The following PATE1 variants were observed in gnomAD, a reference collection of about 807,000 sequenced individuals.
PATE1 encodes the protein prostate and testis expressed protein 1.
Under a neutral mutation model 13.1 loss-of-function variants are expected in PATE1, and 21 were observed. The observed-to-expected ratio is 1.61, with a 90% CI of 1.14 to 2.31. The LOEUF (loss-of-function observed/expected upper bound fraction) is 2.31. Among genes scored for constraint, PATE1 ranks in the 30% most tolerant of loss-of-function variants. PATE1 has a pLI of 0.00. For missense variants in PATE1, 166 were observed against 147.2 expected (o/e 1.13, Z -0.66); for synonymous variants, 52 against 47.1 (o/e 1.10, Z -0.43).
chr11:125,747,941 T>A (rs1291673270), intron 4 of PATE1, 119 bp downstream of exon 4: 1 of 1,433,106 alleles, frequency 7.0e-7, no homozygotes, highest in Non-Finnish European at 9.5e-7. Flanking sequence ...ATACCTGGGA[T>A]GGCTGATTCC....
At chr11:125,748,233 C>T (rs930698178) in intron 4 of PATE1, among the ~76,000 whole-genome samples, 6 of 152,122 alleles carry the variant, frequency 3.9e-5, no homozygotes, top group African/African-American at 1.4e-4. Flanking sequence ...GGCTGAATTG[C>T]CCTGGATGGT....
chr11:125,747,766 G>A lies in PATE1; in HGVS notation c.191G>A (p.Arg64Lys). Residue 64 changes from arginine (R) to lysine (K), a missense_variant, in exon 4 of 5, where the codon AGA becomes AAA. Arg to Lys is a conservative substitution (Grantham distance 26, BLOSUM62 2). Coordinates refer to ENST00000305738, the MANE Select transcript of PATE1 (RefSeq NM_138294.3). ...QFPGEKCSRGRGICTATTEEA... is the reference protein window; with the variant it reads ...QFPGEKCSRGKGICTATTEEA... ...CCAGGAGAAAAGTGCTCCAGAGGAA[G>A]AGGAATATGCACAGCAACAACAGAA... 1.9e-6 allele frequency: 3 copies of A among 1,613,978 alleles called. No individual in the cohort carries two copies. Among genetic ancestry groups the A allele is most frequent in the East Asian group, 2.2e-5 (1 of 44,870 alleles).
chr11:125,747,818 C>T lies in PATE1; in HGVS notation c.243C>T (p.Phe81=). 1 of 1,613,580 alleles carries T rather than the reference C, an allele frequency of 6.2e-7. No homozygotes were observed. The highest frequency in any genetic ancestry group is 1.3e-5 in the African/African-American group (1 of 74,972). The part of the protein sequence containing the change: ...TEEACMVGRM[F]KRDGNPWLTF... ...AGGCCTGCATGGTTGGAAGGATGTT[C>T]AAAAGTAAGTTGTGGGTTGGGGAAA... Residue 81 remains phenylalanine (F), a synonymous_variant, in exon 4 of 5, where the codon TTC becomes TTT. Coordinates refer to ENST00000305738, the MANE Select transcript of PATE1 (RefSeq NM_138294.3).
At chr11:125,747,851 C>A (rs375102219) in intron 4 of PATE1, 29 bp downstream of exon 4, 7 of 1,612,722 alleles carry the variant, frequency 4.3e-6, no homozygotes, top group Non-Finnish European at 5.9e-6. Context: ...AAAAGAAGAA[C>A]GGGCAGAGGA....
chr11:125,747,340 C>A (rs1351357032), intron 2 of PATE1, 36 bp from the exon 3 acceptor site: 43 of 1,600,846 alleles, frequency 2.7e-5, no homozygotes, highest in Non-Finnish European at 3.5e-5. Flanking sequence ...ATCTCAGGCA[C>A]ATTTCAGATG....
chr11:125,747,321 C>G, intron 2 of PATE1, 55 bp from the exon 3 acceptor site: 2 of 1,552,212 alleles, frequency 1.3e-6, no homozygotes, highest in East Asian at 4.5e-5. Flanking sequence ...GAACCCAATA[C>G]AAGAGTAAAT....
rs1943306625 is a variant in PATE1 at position 125,749,008 on chromosome 11, T to C, written c.*275T>C. ...GCTACAAACCCTTGTGCTTTCACTG[T>C]ATAGCCAGTTCATTCAGAAAAGGAG... On this transcript the variant is annotated 3_prime_UTR_variant, in exon 5 of 5. Transcript: ENST00000305738. The C allele has an allele frequency of 6.6e-6, 2 of 303,592 alleles. No individual in the cohort carries two copies. Among genetic ancestry groups the C allele is most frequent in the Non-Finnish European group, 6.0e-6 (1 of 167,100 alleles). 18.8% of individuals were successfully genotyped at this position (303,592 alleles called of 1,614,324 possible).
At position 125,747,689 on chromosome 11, in the gene PATE1, C is replaced by T; in HGVS notation, c.125-11C>T. 6.2e-7 allele frequency: 1 copy of T among 1,612,754 alleles called. No homozygotes were observed. Among genetic ancestry groups the T allele is most frequent in the Non-Finnish European group, 8.5e-7 (1 of 1,179,584 alleles). On this transcript the variant is annotated splice_polypyrimidine_tract_variant and intron_variant, in intron 3 of 4. Coordinates refer to ENST00000305738, the MANE Select transcript of PATE1 (RefSeq NM_138294.3). Reference sequence around the variant, plus strand: ...CTTTTCTCACTTCTCTTTCCCCTCTCTCTGGCCAAGTGATAGAAATTGTTC... The same window carrying T: ...CTTTTCTCACTTCTCTTTCCCCTCTTTCTGGCCAAGTGATAGAAATTGTTC...
intron 1 of PATE1, 124 bp downstream of exon 1, chr11:125,746,480 T>C (rs1943272771): frequency 2.3e-6 from 3 of 1,326,460 alleles, no homozygotes; most frequent in East Asian, 4.6e-5. Context: ...TCTGTTCTAA[T>C]GTTATGCCTT....
At position 125,748,698 on chromosome 11, in the gene PATE1, T is replaced by G. The variant is rs1243525303; in HGVS notation, c.346T>G (p.Cys116Gly). 6.2e-7 allele frequency: 1 copy of G among 1,613,928 alleles called. No homozygotes were observed. Among genetic ancestry groups the G allele is most frequent in the Non-Finnish European group, 8.5e-7 (1 of 1,179,880 alleles). Residue 116 changes from cysteine to glycine, a missense_variant, in exon 5 of 5, where the codon TGC becomes GGC. Transcript: ENST00000305738. Reference protein sequence around the residue: ...WSVYLVNFRCCRSHDLCNEDL With the variant: ...WSVYLVNFRCGRSHDLCNEDL ...TGTCTATTTGGTGAACTTCAGGTGCTGCAGGAGCCATGACCTGTGCAATGA... is the reference window on the plus strand; with the variant it reads ...TGTCTATTTGGTGAACTTCAGGTGCGGCAGGAGCCATGACCTGTGCAATGA...
intron 4 of PATE1, among the ~76,000 whole-genome samples, chr11:125,748,333 A>T (rs1943292265): frequency 6.6e-6 from 1 of 152,190 alleles, no homozygotes; most frequent in South Asian, 2.1e-4. Flanking sequence ...CAGTGTTAAG[A>T]CTCTCAAGAG....
intron 3 of PATE1, 89 bp downstream of exon 3, chr11:125,747,500 T>C: frequency 2.1e-6 from 3 of 1,462,180 alleles, no homozygotes; most frequent in Non-Finnish European, 2.8e-6. Context: ...CCCTCCCATT[T>C]TTCAGGCTAA....
In PATE1 at chr11:125,747,309, A is replaced by T; in HGVS notation, c.89-67A>T. On this transcript the variant is annotated intron_variant, in intron 2 of 4. Transcript: ENST00000305738. ...GGATGGACCCTGAAGGGCAGACTAT[A>T]AGAACCCAATACAAGAGTAAATCTC... 5 of 1,492,150 alleles carry T rather than the reference A, an allele frequency of 3.4e-6. No homozygotes were observed. The East Asian group carries it at 6.8e-5, about 20-fold the overall frequency. 92.4% of individuals were successfully genotyped at this position (1,492,150 alleles called of 1,614,324 possible). A position where few individuals can be genotyped will look rare whatever the true frequency, so the allele number is the denominator to read the frequency against.
Position 125,748,630 on chromosome 11 carries a change from GC to G in PATE1, c.279del (p.Cys94AlafsTer2), listed in dbSNP as rs1186815186. 3.5e-5 allele frequency: 56 copies of G among 1,613,678 alleles called. No individual in the cohort carries two copies. The highest frequency in any genetic ancestry group is 4.4e-5 in the Non-Finnish European group (52 of 1,179,854). ...RDGNPWLTFM[G>X]CLKNCADVKG... ...GGTAATCCCTGGTTAACCTTCATGG[GC>G]TGCCTAAAGAACTGTGCTGATGTGA... On this transcript the variant is annotated frameshift_variant, in exon 5 of 5. Transcript: ENST00000305738. LOFTEE classifies it low-confidence loss of function (END_TRUNC).
rs1247883007 is a variant in PATE1, at chr11:125,748,759, A to C, written c.*26A>C. The C allele has an allele frequency of 1.2e-6, 2 of 1,608,658 alleles. No individual in the cohort carries two copies. The highest frequency in any genetic ancestry group is 2.2e-5 in the South Asian group (2 of 89,862). ...AAGTTAATGGTTCTTCTGTGACTCC[A>C]ATTTCTGGGTGAGGTTGTTGCCTCA... On this transcript the variant is annotated 3_prime_UTR_variant, in exon 5 of 5. Transcript: ENST00000305738.
chr11:125,746,416 C>T, intron 1 of PATE1, 60 bp downstream of exon 1: 2 of 1,566,520 alleles, frequency 1.3e-6, no homozygotes, highest in Non-Finnish European at 1.8e-6. Flanking sequence ...GTGAGAGCAC[C>T]CATGACAGAG....
intron 4 of PATE1, chr11:125,748,171 C>T (rs964978438): frequency 5.8e-5 from 19 of 325,924 alleles, no homozygotes; most frequent in Non-Finnish European, 8.6e-5. Context: ...GGCTTCCTTA[C>T]GGATGGTTCT....
chr11:125,746,512 C>T (rs1013911717), intron 1 of PATE1, 149 bp from the exon 2 acceptor site: 4 of 1,291,032 alleles, frequency 3.1e-6, no homozygotes, highest in African/African-American at 1.5e-5. Flanking sequence ...ATGTCATGTC[C>T]CCAGGACCTT....
intron 3 of PATE1, 133 bp from the exon 4 acceptor site, chr11:125,747,567 G>A: frequency 6.9e-7 from 1 of 1,447,988 alleles, no homozygotes. Context: ...TTCCACAGAG[G>A]AAGAGGTTCA....
Sources: gnomAD v4.1 joint callset for allele counts (sites outside exome capture counted in the v4.1 genomes callset) on GRCh38, gnomAD v4.1.1 for gene constraint, MANE v1.5 for transcripts, NCBI Gene and HGNC (gene_info 2026-07-23, HGNC 2026-07-21) for gene names.